The following TENM1 variants were observed in gnomAD, a reference collection of about 807,000 sequenced individuals.
TENM1 encodes teneurin-1.
In TENM1, 35 loss-of-function variants were observed where a neutral mutation model predicts 174.8. That is an observed-to-expected ratio of 0.20 (90% CI 0.15 to 0.27). The LOEUF (loss-of-function observed/expected upper bound fraction) is 0.27. Ranked by LOEUF, TENM1 falls within the 10% of genes least tolerant of loss-of-function variation. The pLI, the probability that TENM1 is intolerant of heterozygous loss-of-function variation, is 1.00. For synonymous variants in TENM1, 781 were observed against 798.7 expected (o/e 0.98, Z 0.37); for missense variants, 1,633 against 2,130.1 (o/e 0.77, Z 4.59).
intron 29 of TENM1, 149 bp downstream of exon 32, chrX:124,385,528 C>T (rs374862740): frequency 2.9e-5 from 16 of 545,601 alleles, no homozygotes; most frequent in South Asian, 2.0e-4. Flanking sequence ...ACATGCTTTA[C>T]ATTTTCAATG....
At chrX:124,466,643 G>T (rs1434769609) in intron 22 of TENM1, among the ~76,000 whole-genome samples, 1 of 111,669 alleles carries the variant, frequency 9.0e-6, no homozygotes. Context: ...ACATTTTAGG[G>T]TGCTAACTGT....
intron 11 of TENM1, among the ~76,000 whole-genome samples, chrX:124,638,512 A>C (rs2148364237): frequency 9.0e-6 from 1 of 111,124 alleles, no homozygotes; most frequent in Non-Finnish European, 1.9e-5. Flanking sequence ...ATCATATATA[A>C]AGAGGCAAGC....
At chrX:124,524,732 A>G (rs1174521872) in intron 16 of TENM1, among the ~76,000 whole-genome samples, 3 of 111,948 alleles carry the variant, frequency 2.7e-5, no homozygotes, top group African/African-American at 9.8e-5. Flanking sequence ...GTGGTCTATG[A>G]CAAGACTATT....
At chrX:125,162,809 C>G in the TENM1 span, among the ~76,000 whole-genome samples, 3 of 111,389 alleles carry the variant, frequency 2.7e-5, no homozygotes, top group African/African-American at 6.5e-5. Flanking sequence ...TTTCTAAACC[C>G]AAATCTCACA....
At chrX:124,729,366 G>GC (rs1339764276) in intron 4 of TENM1, among the ~76,000 whole-genome samples, 1 of 112,066 alleles carries the variant, frequency 8.9e-6, no homozygotes, top group Non-Finnish European at 1.9e-5. Flanking sequence ...TCTGAAAACA[G>GC]CCCCATGAGG....
intron 30 of TENM1, among the ~76,000 whole-genome samples, chrX:124,383,293 T>A (rs2147578795): frequency 9.0e-6 from 1 of 111,538 alleles, no homozygotes; most frequent in African/African-American, 3.3e-5. Context: ...ATCCTCTCTC[T>A]ACAGGGTAGA....
the TENM1 span, among the ~76,000 whole-genome samples, chrX:125,007,459 T>G: frequency 9.0e-6 from 1 of 111,178 alleles, no homozygotes; most frequent in Non-Finnish European, 1.9e-5. Flanking sequence ...GAAAACACAC[T>G]TCAGGATATT....
At chrX:125,122,644 C>G in the TENM1 span, among the ~76,000 whole-genome samples, 1 of 109,736 alleles carries the variant, frequency 9.1e-6, no homozygotes, top group Non-Finnish European at 1.9e-5. Context: ...ATGCATTATA[C>G]TATTTAAGTA....
At chrX:124,558,013 T>C (rs1471949589) in intron 14 of TENM1, among the ~76,000 whole-genome samples, 1 of 111,890 alleles carries the variant, frequency 8.9e-6, no homozygotes, top group Admixed American at 9.5e-5. Context: ...ATGAATGAGG[T>C]CAAGACATTT....
intron 11 of TENM1, among the ~76,000 whole-genome samples, chrX:124,589,361 G>GTTT (rs1356914752): frequency 9.5e-6 from 1 of 105,609 alleles, no homozygotes; most frequent in African/African-American, 3.4e-5. Context: ...GTTTGTTGTT[G>GTTT]TTGTTGTTGT....
At chrX:124,791,827 C>T (rs766218310) in intron 3 of TENM1, among the ~76,000 whole-genome samples, 5 of 111,303 alleles carry the variant, frequency 4.5e-5, no homozygotes, top group African/African-American at 6.5e-5. Flanking sequence ...TATTATTTCA[C>T]TGTCTTATTT....
At chrX:124,991,237 T>C in the TENM1 span, among the ~76,000 whole-genome samples, 19 of 111,518 alleles carry the variant, frequency 1.7e-4, no homozygotes, top group Non-Finnish European at 3.0e-4. Context: ...ACTGATACTT[T>C]CTACTCCTCT....
intron 3 of TENM1, among the ~76,000 whole-genome samples, chrX:124,824,256 A>G (rs1216232137): frequency 2.7e-5 from 3 of 112,494 alleles, no homozygotes; most frequent in African/African-American, 9.7e-5. Context: ...CAGTTTGATT[A>G]ACTGTCTGGT....
intron 11 of TENM1, among the ~76,000 whole-genome samples, chrX:124,638,247 G>A (rs1476960259): frequency 1.8e-5 from 2 of 111,138 alleles, no homozygotes; most frequent in Admixed American, 1.9e-4. Flanking sequence ...TTTCTTCTTG[G>A]CCAACAGGAC....
the TENM1 span, among the ~76,000 whole-genome samples, chrX:125,103,998 AAAT>A: frequency 5.3e-5 from 6 of 112,251 alleles, no homozygotes; most frequent in Non-Finnish European, 9.4e-5. Flanking sequence ...AAGAAAAAAA[AAAT>A]AAAAGACTTA....
intron 3 of TENM1, among the ~76,000 whole-genome samples, chrX:124,781,135 GGGT>G: frequency 9.0e-6 from 1 of 111,592 alleles, no homozygotes; most frequent in Non-Finnish European, 1.9e-5. Flanking sequence ...TCAAAAGTAA[GGGT>G]TATTTTTTGT....
intron 17 of TENM1, among the ~76,000 whole-genome samples, chrX:124,523,161 A>G (rs770760932): frequency 8.9e-6 from 1 of 112,209 alleles, no homozygotes; most frequent in Non-Finnish European, 1.9e-5. Context: ...GTTCTATTCC[A>G]TGGCCACAGA....
the TENM1 span, among the ~76,000 whole-genome samples, chrX:125,143,676 C>T: frequency 7.9e-4 from 88 of 111,168 alleles, no homozygotes; most frequent in African/African-American, 2.9e-3. Context: ...ATGAATTTTT[C>T]CGACATTGTG....
chrX:124,946,473 T>C (rs771191814), intron 1 of TENM1, among the ~76,000 whole-genome samples: 1 of 111,488 alleles, frequency 9.0e-6, no homozygotes, highest in South Asian at 3.8e-4. Context: ...GAAGGCTGGA[T>C]TCTCAGGCTG....
Sources: gnomAD v4.1 joint callset for allele counts (sites outside exome capture counted in the v4.1 genomes callset) on GRCh38, gnomAD v4.1.1 for gene constraint, MANE v1.5 for transcripts, NCBI Gene and HGNC (gene_info 2026-07-23, HGNC 2026-07-21) for gene names.